Variants in MTMR12 observed in about 807,000 individuals in gnomAD.
MTMR12 encodes the protein myotubularin-related protein 12.
Under a neutral mutation model 96.7 loss-of-function variants are expected in MTMR12, and 33 were observed. The observed-to-expected ratio is 0.34, with a 90% confidence interval of 0.26 to 0.46. The LOEUF is 0.46. Ranked by LOEUF, MTMR12 falls within the 20% of genes least tolerant of loss-of-function variation. MTMR12 has a pLI of 1.00. For missense variants in MTMR12, 721 were observed against 896.1 expected, an observed-to-expected ratio of 0.80 and a Z score of 2.49; for synonymous variants, 298 against 327.2, an observed-to-expected ratio of 0.91 and a Z score of 0.96.
At chr5:32,241,081 C>G (rs1748451033) in intron 12 of MTMR12, among the ~76,000 whole-genome samples, 1 of 152,222 alleles carries the variant, frequency 6.6e-6, no homozygotes, top group South Asian at 2.1e-4. Flanking sequence ...CTCTATGCAA[C>G]TCTGTGATTA....
At position 32,247,842 on chromosome 5, in the gene MTMR12, T is replaced by C. The variant is rs968345932; in HGVS notation, c.1021+160A>G. ...GCCTGGAGAGAGATGGAGAGGGAAG[T>C]GTGGTAATGGCAGCCAGACCCCTGG... On this transcript the variant is annotated intron_variant, in intron 10 of 15. Transcript: ENST00000382142. 23 of 967,474 alleles carry C rather than the reference T, an allele frequency of 2.4e-5. No homozygotes were observed. In the Admixed American group the frequency reaches 6.2e-4, roughly 26 times the overall value. The allele number at this position is 967,474 out of a possible 1,614,324, so 59.9% of individuals were successfully genotyped here.
chr5:32,268,654 T>C, intron 6 of MTMR12, 47 bp downstream of exon 6: 1 of 1,529,248 alleles, frequency 6.5e-7, no homozygotes, highest in Non-Finnish European at 9.1e-7. Flanking sequence ...AGGTGGGAAT[T>C]GGAAGGCTTC....
chr5:32,248,995 A>C (rs1365436978), intron 8 of MTMR12, 117 bp from the exon 9 acceptor site: 1 of 748,498 alleles, frequency 1.3e-6, no homozygotes, highest in Non-Finnish European at 2.3e-6. Context: ...AAATGGCTGG[A>C]CATACTTAAC....
intron 11 of MTMR12, 61 bp from the exon 12 acceptor site, chr5:32,242,188 T>C: frequency 8.0e-7 from 1 of 1,257,700 alleles, no homozygotes; most frequent in Non-Finnish European, 1.1e-6. Flanking sequence ...ACACAAACAC[T>C]ACGTAGTTGA....
intron 1 of MTMR12, among the ~76,000 whole-genome samples, chr5:32,277,210 G>C (rs1259196693): frequency 1.3e-5 from 2 of 152,064 alleles, no homozygotes; most frequent in African/African-American, 4.8e-5. Flanking sequence ...TTAAAAACAG[G>C]AAGTGTTCTA....
chr5:32,308,075 G>A (rs1751425018), intron 1 of MTMR12, among the ~76,000 whole-genome samples: 1 of 152,206 alleles, frequency 6.6e-6, no homozygotes, highest in Admixed American at 6.5e-5. Context: ...TGTAATCCCA[G>A]CACTTTGGTT....
In MTMR12 at chr5:32,312,898, G is replaced by A; in HGVS notation, c.-60C>T. The A allele has an allele frequency of 4.2e-6, 6 of 1,445,356 alleles. No individual in the cohort carries two copies. The highest frequency in any genetic ancestry group is 5.5e-6 in the Non-Finnish European group (6 of 1,097,510). The allele number at this position is 1,445,356 out of a possible 1,614,324, so 89.5% of individuals were successfully genotyped here. ...AGAGGCGGCGGCTCGGGCTCCAGCT[G>A]GGGCAGCAGCGGCGGCCACCAGCAC... On this transcript the variant is annotated 5_prime_UTR_variant, in exon 1 of 16. Coordinates refer to ENST00000382142, the MANE Select transcript of MTMR12 (RefSeq NM_001040446.3). The surrounding 1 kb of genome is among the most constrained non-coding windows in gnomAD (Gnocchi z 5.0).
At chr5:32,282,967 A>G (rs1256466177) in intron 1 of MTMR12, among the ~76,000 whole-genome samples, 1 of 152,236 alleles carries the variant, frequency 6.6e-6, no homozygotes, top group Non-Finnish European at 1.5e-5. Flanking sequence ...AGGAGAATGA[A>G]CATAGCTGAA....
At chr5:32,276,575 G>T (rs978291294) in intron 2 of MTMR12, 107 bp downstream of exon 2, 4 of 912,964 alleles carry the variant, frequency 4.4e-6, no homozygotes, top group African/African-American at 3.4e-5. Context: ...ACTGTTATAT[G>T]TGAGAAGATG....
At chr5:32,250,480 T>G (rs1162342246) in intron 8 of MTMR12, among the ~76,000 whole-genome samples, 1 of 152,198 alleles carries the variant, frequency 6.6e-6, no homozygotes, top group Admixed American at 6.5e-5. Flanking sequence ...TGTTCTTGCA[T>G]TCCCTTTCTC....
rs773822613 is a variant in MTMR12, at chr5:32,230,180, G to C, written c.1842C>G (p.Asp614Glu). ...AGTCAGTGGACTTGCTATGCCAGCT[G>C]TCATAGAACTCTCGAAAGTTGTCTT... ...ELQDNFREFY[D>E]SWHSKSTDYH... Residue 614 changes from aspartate (D) to glutamate (E), a missense_variant, in exon 16 of 16, where the codon GAC becomes GAG. By Grantham distance (45) the Asp-to-Glu change is conservative. Transcript: ENST00000382142. The C allele has an allele frequency of 6.2e-7, 1 of 1,614,190 alleles. No individual in the cohort carries two copies. Among genetic ancestry groups the C allele is most frequent in the Non-Finnish European group, 8.5e-7 (1 of 1,180,032 alleles).
At chr5:32,272,897 C>T (rs1749892612) in intron 3 of MTMR12, among the ~76,000 whole-genome samples, 1 of 152,152 alleles carries the variant, frequency 6.6e-6, no homozygotes, top group South Asian at 2.1e-4. Context: ...AGCCCAAGGC[C>T]AGATGGAAGA....
At chr5:32,306,361 G>C (rs1318661628) in intron 1 of MTMR12, among the ~76,000 whole-genome samples, 1 of 152,086 alleles carries the variant, frequency 6.6e-6, no homozygotes, top group Non-Finnish European at 1.5e-5. Flanking sequence ...GTAGTTCCTG[G>C]AACACAGAAG....
intron 1 of MTMR12, among the ~76,000 whole-genome samples, chr5:32,282,071 C>A (rs192009614): frequency 5.9e-5 from 9 of 152,026 alleles, no homozygotes; most frequent in Non-Finnish European, 1.0e-4. Context: ...ATTTAAGGTG[C>A]CACACTGTAC....
intron 8 of MTMR12, among the ~76,000 whole-genome samples, chr5:32,255,375 T>C (rs925440338): frequency 6.6e-6 from 1 of 152,210 alleles, no homozygotes; most frequent in Non-Finnish European, 1.5e-5. Flanking sequence ...TAAATCCTAC[T>C]ACCCTTGGCG....
chr5:32,291,518 G>A (rs547856910), intron 1 of MTMR12, among the ~76,000 whole-genome samples: 49 of 152,314 alleles, frequency 3.2e-4, no homozygotes, highest in African/African-American at 1.2e-3. Flanking sequence ...AAACTGTGAA[G>A]ATATTTATAT....
Position 32,273,976 on chromosome 5 carries a change from A to C in MTMR12, c.285+4T>G. The C allele has an allele frequency of 6.2e-7, 1 of 1,614,116 alleles. No individual in the cohort carries two copies. The highest frequency in any genetic ancestry group is 8.5e-7 in the Non-Finnish European group (1 of 1,180,008). On this transcript the variant is annotated splice_donor_region_variant and intron_variant, in intron 3 of 15. Transcript: ENST00000382142. Reference sequence around the variant, plus strand: ...AAACTCTGCCAAATGCAGCCCATACATACATCATTATCCAATGCAGATTCA... The same window carrying C: ...AAACTCTGCCAAATGCAGCCCATACCTACATCATTATCCAATGCAGATTCA...
chr5:32,252,799 T>G (rs1290282492), intron 8 of MTMR12, among the ~76,000 whole-genome samples: 1 of 152,246 alleles, frequency 6.6e-6, no homozygotes, highest in Non-Finnish European at 1.5e-5. Context: ...ATCTCTTAAA[T>G]ATCTGGTTTA....
intron 1 of MTMR12, among the ~76,000 whole-genome samples, chr5:32,283,922 C>A (rs1008433626): frequency 2.6e-5 from 4 of 152,146 alleles, no homozygotes; most frequent in African/African-American, 9.7e-5. Flanking sequence ...CCAACTGACT[C>A]AAGAGTTCAA....
Sources: allele counts gnomAD v4.1 joint callset (sites outside exome capture counted in the v4.1 genomes callset), GRCh38; gene constraint gnomAD v4.1.1; non-coding constraint Gnocchi (gnomAD v3.1); transcripts MANE v1.5; gene names NCBI Gene and HGNC (gene_info 2026-07-23, HGNC 2026-07-21).